Variants in NUCKS1 observed in about 807,000 individuals in gnomAD.
NUCKS1 encodes nuclear ubiquitous casein and cyclin-dependent kinase substrate 1.
Under a neutral mutation model 33.0 loss-of-function variants are expected in NUCKS1, and 2 were observed. The ratio of observed to expected loss-of-function variants is 0.06; its 90% CI spans 0.02 to 0.19. The LOEUF (loss-of-function observed/expected upper bound fraction) is 0.19, where lower values mean the gene tolerates loss of function less well. NUCKS1 is among the 10% of genes least tolerant of loss of function. The probability of loss-of-function intolerance (pLI) is 1.00; values close to 1 mark genes in which losing one functional copy is unlikely to be tolerated. For missense variants in NUCKS1, 201 were observed against 293.6 expected, an observed-to-expected ratio of 0.68 and a Z score of 2.31; for synonymous variants, 106 against 102.8, an observed-to-expected ratio of 1.03 and a Z score of -0.19.
At chr1:205,745,954 G>C (rs1026662407) in intron 1 of NUCKS1, among the ~76,000 whole-genome samples, 1 of 152,090 alleles carries the variant, frequency 6.6e-6, no homozygotes, top group Non-Finnish European at 1.5e-5. Flanking sequence ...TAATTTTCAG[G>C]TAATTAATTA....
rs1671801527 is a variant in NUCKS1, at chr1:205,715,118, TA to T, written c.*3161del. ...TTAAAAAAAAGAGTCAAGTTTAGTC[TA>T]GCTGACCATATTCACAAGTGTTAAA... On this transcript the variant is annotated 3_prime_UTR_variant, in exon 7 of 7. Transcript: ENST00000367142. 6.6e-6 allele frequency: 1 copy of T among 152,192 alleles called. No homozygotes were observed. Among genetic ancestry groups the T allele is most frequent in the African/African-American group, 2.4e-5 (1 of 41,444 alleles). 9.4% of individuals were successfully genotyped at this position (152,192 alleles called of 1,614,324 possible). A position where few individuals can be genotyped will look rare whatever the true frequency, so the allele number is the denominator to read the frequency against.
Position 205,717,082 on chromosome 1 carries a change from C to T in NUCKS1, c.*1198G>A. 1 of 157,994 alleles carries T rather than the reference C, an allele frequency of 6.3e-6. No individual in the cohort carries two copies. The highest frequency in any genetic ancestry group is 2.0e-4 in the South Asian group (1 of 4,944). 9.8% of individuals were successfully genotyped at this position (157,994 alleles called of 1,614,324 possible). On this transcript the variant is annotated 3_prime_UTR_variant, in exon 7 of 7. Coordinates refer to ENST00000367142, the MANE Select transcript of NUCKS1 (RefSeq NM_022731.5). ...TGGTTGGCACTCGGGGTAGGGTGTG[C>T]AGTGGTGCTCTACGAAGCAGCAGGA...
chr1:205,746,453 T>TCA lies in NUCKS1; in HGVS notation c.17+3502_17+3503dup, dbSNP rs1216661558. Among the ~76,000 whole-genome samples, 944 of 124,554 alleles carry TCA rather than the reference T, an allele frequency of 7.6e-3. 11 individuals are homozygous for TCA. Among genetic ancestry groups the TCA allele is most frequent in the African/African-American group, 0.027 (871 of 32,086 alleles). The allele number at this position is 124,554 out of a possible 152,430, so 81.7% of individuals were successfully genotyped here. A position where few individuals can be genotyped will look rare whatever the true frequency, so the allele number is the denominator to read the frequency against. ...AAACTCACTTCTCTCTCTCTCTCTC[T>TCA]CACACACACACACACACACACACAC... On this transcript the variant is annotated intron_variant, in intron 1 of 6. Coordinates refer to ENST00000367142, the MANE Select transcript of NUCKS1 (RefSeq NM_022731.5).
At position 205,716,107 on chromosome 1, in the gene NUCKS1, C is replaced by T. The variant is rs924046199; in HGVS notation, c.*2173G>A. Reference sequence around the variant, plus strand: ...TTTAAAAGGGACCCTAAACAAGAAGCCCAATCAAATGCACACAAGTAATCT... The same window carrying T: ...TTTAAAAGGGACCCTAAACAAGAAGTCCAATCAAATGCACACAAGTAATCT... On this transcript the variant is annotated 3_prime_UTR_variant, in exon 7 of 7. Coordinates refer to ENST00000367142, the MANE Select transcript of NUCKS1 (RefSeq NM_022731.5). 6 of 152,092 alleles carry T rather than the reference C, an allele frequency of 3.9e-5. No homozygotes were observed. The highest frequency in any genetic ancestry group is 1.2e-4 in the African/African-American group (5 of 41,392). 9.4% of individuals were successfully genotyped at this position (152,092 alleles called of 1,614,324 possible). A position where few individuals can be genotyped will look rare whatever the true frequency, so the allele number is the denominator to read the frequency against.
chr1:205,728,351 C>T (rs189106752), intron 2 of NUCKS1, among the ~76,000 whole-genome samples: 69 of 151,968 alleles, frequency 4.5e-4, no homozygotes, highest in Admixed American at 3.7e-3. Context: ...CACACGATGG[C>T]GAGATGCTGG....
At chr1:205,727,437 A>T (rs1351875110) in intron 3 of NUCKS1, among the ~76,000 whole-genome samples, 1 of 152,234 alleles carries the variant, frequency 6.6e-6, no homozygotes, top group Non-Finnish European at 1.5e-5. Context: ...TTTAGTTGTA[A>T]TTAATTGTGC....
At chr1:205,734,931 T>C (rs1654001553) in intron 1 of NUCKS1, among the ~76,000 whole-genome samples, 1 of 152,118 alleles carries the variant, frequency 6.6e-6, no homozygotes, top group East Asian at 1.9e-4. Flanking sequence ...CCAAACAATG[T>C]CCTGCCTCCT....
rs1558057646 is a variant in NUCKS1, at chr1:205,746,490, A to ACACACAC, written c.17+3466_17+3467insGTGTGTG. On this transcript the variant is annotated intron_variant, in intron 1 of 6. Transcript: ENST00000367142. ...ACACACACACACACACACACACACT[A>ACACACAC]GAGAATAAGAGAATGAGCCAGTCTC... 2.0e-3 allele frequency among the ~76,000 whole-genome samples: 135 copies of ACACACAC among 67,762 alleles called. 1 individual carries two copies. Among genetic ancestry groups the ACACACAC allele is most frequent in the East Asian group, 8.2e-3 (30 of 3,660 alleles). 44.5% of individuals were successfully genotyped at this position (67,762 alleles called of 152,430 possible).
At chr1:205,744,632 T>TTTTTTTTTG (rs1654268333) in intron 1 of NUCKS1, among the ~76,000 whole-genome samples, 2 of 132,716 alleles carry the variant, frequency 1.5e-5, no homozygotes, top group East Asian at 2.2e-4. Flanking sequence ...TCACTAGAGT[T>TTTTTTTTTG]TTTTTTTTTT....
intron 1 of NUCKS1, among the ~76,000 whole-genome samples, chr1:205,749,609 C>T (rs1486237987): frequency 1.3e-5 from 2 of 152,076 alleles, no homozygotes; most frequent in Non-Finnish European, 2.9e-5. Context: ...GGGACGGCCC[C>T]GAGGAGGTGG....
chr1:205,738,435 A>T (rs1571584339), intron 1 of NUCKS1, among the ~76,000 whole-genome samples: 2 of 141,740 alleles, frequency 1.4e-5, no homozygotes, highest in Admixed American at 1.4e-4. Context: ...TACCATGCCC[A>T]GCTAATTTTT....
intron 1 of NUCKS1, among the ~76,000 whole-genome samples, chr1:205,749,745 C>G (rs1654437836): frequency 6.7e-6 from 1 of 149,782 alleles, no homozygotes; most frequent in East Asian, 2.1e-4. Context: ...TGCAGCGGCG[C>G]GGGGCGGGGA....
intron 1 of NUCKS1, among the ~76,000 whole-genome samples, chr1:205,743,352 T>C (rs1341519951): frequency 2.6e-5 from 4 of 152,330 alleles, no homozygotes; most frequent in East Asian, 1.9e-4. Context: ...CTCCACTATA[T>C]AAACCCAGAA....
At chr1:205,720,429 T>C (rs1476353741) in intron 5 of NUCKS1, 72 bp downstream of exon 5, 1 of 1,519,662 alleles carries the variant, frequency 6.6e-7, no homozygotes, top group East Asian at 2.3e-5. Flanking sequence ...TCCTAGAAAA[T>C]GCCAAAGTAA....
Position 205,713,525 on chromosome 1 carries a change from C to T in NUCKS1, c.*4755G>A, listed in dbSNP as rs1370488200. The T allele has an allele frequency of 1.3e-5, 2 of 152,130 alleles. No individual in the cohort carries two copies. The highest frequency in any genetic ancestry group is 6.5e-5 in the Admixed American group (1 of 15,282). 9.4% of individuals were successfully genotyped at this position (152,130 alleles called of 1,614,324 possible). ...ACTGGGATATGTAAAAATTAAGTATCACAAAAGACCATCACACGATTCTAC... is the reference window on the plus strand; with the variant it reads ...ACTGGGATATGTAAAAATTAAGTATTACAAAAGACCATCACACGATTCTAC... On this transcript the variant is annotated 3_prime_UTR_variant, in exon 7 of 7. Coordinates refer to ENST00000367142, the MANE Select transcript of NUCKS1 (RefSeq NM_022731.5).
At chr1:205,749,301 C>T (rs986917575) in intron 1 of NUCKS1, among the ~76,000 whole-genome samples, 5 of 152,226 alleles carry the variant, frequency 3.3e-5, no homozygotes, top group Non-Finnish European at 2.9e-5. Context: ...CATTATTTTC[C>T]AGGATCCAGT....
Position 205,750,062 on chromosome 1 carries a change from T to G in NUCKS1, c.-89A>C. The G allele has an allele frequency of 5.5e-5, 45 of 813,278 alleles. No individual in the cohort carries two copies. The highest frequency in any genetic ancestry group is 3.8e-4 in the East Asian group (3 of 7,972). The allele number at this position is 813,278 out of a possible 1,614,324, so 50.4% of individuals were successfully genotyped here. A position where few individuals can be genotyped will look rare whatever the true frequency, so the allele number is the denominator to read the frequency against. On this transcript the variant is annotated 5_prime_UTR_variant, in exon 1 of 7. Transcript: ENST00000367142. ...CTCGGCGCCCCACCCCCCCCGAACT[T>G]CAGCCGATGGGACCGCTGCTGCCGA...
intron 1 of NUCKS1, among the ~76,000 whole-genome samples, chr1:205,749,117 G>A (rs2102453207): frequency 6.6e-6 from 1 of 152,326 alleles, no homozygotes; most frequent in South Asian, 2.1e-4. Context: ...ATCCCGAGAC[G>A]CGTACGCGGG....
At chr1:205,741,116 C>T (rs1448587340) in intron 1 of NUCKS1, among the ~76,000 whole-genome samples, 2 of 150,834 alleles carry the variant, frequency 1.3e-5, no homozygotes, top group Non-Finnish European at 3.0e-5. Context: ...CTGGCTAACA[C>T]GGTGAAAGCC....
Sources: gnomAD v4.1 joint callset for allele counts (sites outside exome capture counted in the v4.1 genomes callset) on GRCh38, gnomAD v4.1.1 for gene constraint, MANE v1.5 for transcripts, NCBI Gene and HGNC (gene_info 2026-07-23, HGNC 2026-07-21) for gene names.